Variants in MRPS28 observed in about 807,000 individuals in gnomAD.
The protein encoded by MRPS28 is small ribosomal subunit protein bS1m.
Under a neutral mutation model 10.8 loss-of-function variants are expected in MRPS28, and 7 were observed. The observed-to-expected ratio is 0.65, with a 90% CI of 0.37 to 1.22. The LOEUF is 1.22. MRPS28 is among the 50% of genes most tolerant of loss of function. The pLI is 0.02. For missense variants in MRPS28, 265 were observed against 232.9 expected (o/e 1.14, Z -0.90); for synonymous variants, 121 against 93.3 (o/e 1.30, Z -1.71).
Position 79,918,870 on chromosome 8 carries a change from G to C in MRPS28, c.*110C>G. 1 of 863,804 alleles carries C rather than the reference G, an allele frequency of 1.2e-6. No homozygotes were observed. The highest frequency in any genetic ancestry group is 3.1e-5 in the East Asian group (1 of 32,194). 53.5% of individuals were successfully genotyped at this position (863,804 alleles called of 1,614,324 possible). The stretch of plus-strand genomic sequence containing the variant: ...CTAATAAGAGTTATCTATAATTATA[G>C]CTTTTATTTATTATATCTTCATTCA... On this transcript the variant is annotated 3_prime_UTR_variant, in exon 3 of 3. Transcript: ENST00000276585.
At chr8:79,924,159 T>A (rs1037329126) in intron 2 of MRPS28, among the ~76,000 whole-genome samples, 2 of 152,236 alleles carry the variant, frequency 1.3e-5, no homozygotes, top group African/African-American at 4.8e-5. Flanking sequence ...GTAATCATAA[T>A]TCTCAGAAGT....
At chr8:79,970,564 T>C (rs962861050) in intron 2 of MRPS28, among the ~76,000 whole-genome samples, 1 of 152,208 alleles carries the variant, frequency 6.6e-6, no homozygotes, top group Non-Finnish European at 1.5e-5. Flanking sequence ...GTCAGTCTGT[T>C]AGACAAAGAC....
In MRPS28 at chr8:79,918,866, T is replaced by C. The variant is rs1484925467; in HGVS notation, c.*114A>G. The C allele has an allele frequency of 2.4e-6, 2 of 828,508 alleles. No individual in the cohort carries two copies. Among genetic ancestry groups the C allele is most frequent in the Admixed American group, 6.2e-5 (2 of 32,056 alleles). The allele number at this position is 828,508 out of a possible 1,614,324, so 51.3% of individuals were successfully genotyped here. A position where few individuals can be genotyped will look rare whatever the true frequency, so the allele number is the denominator to read the frequency against. On this transcript the variant is annotated 3_prime_UTR_variant, in exon 3 of 3. Transcript: ENST00000276585. ...AATTCTAATAAGAGTTATCTATAAT[T>C]ATAGCTTTTATTTATTATATCTTCA...
At chr8:80,020,969 A>C (rs1809342173) in intron 1 of MRPS28, among the ~76,000 whole-genome samples, 1 of 151,920 alleles carries the variant, frequency 6.6e-6, no homozygotes, top group Non-Finnish European at 1.5e-5. Flanking sequence ...ATAACAAAAG[A>C]AACTACAGTA....
At chr8:79,968,128 C>A (rs760850368) in intron 2 of MRPS28, among the ~76,000 whole-genome samples, 7 of 152,116 alleles carry the variant, frequency 4.6e-5, no homozygotes, top group African/African-American at 1.4e-4. Flanking sequence ...AACAATACCA[C>A]GGTCTTAATT....
At chr8:79,989,058 G>A (rs995077216) in intron 2 of MRPS28, among the ~76,000 whole-genome samples, 3 of 152,308 alleles carry the variant, frequency 2.0e-5, no homozygotes, top group Middle Eastern at 3.4e-3. Flanking sequence ...TAGTGGGCAG[G>A]TAACCAGATG....
intron 2 of MRPS28, among the ~76,000 whole-genome samples, chr8:79,958,844 TC>T (rs1807297469): frequency 6.6e-6 from 1 of 152,134 alleles, no homozygotes; most frequent in Admixed American, 6.6e-5. Flanking sequence ...TTGGATTTAC[TC>T]AATTCACTTA....
intron 2 of MRPS28, among the ~76,000 whole-genome samples, chr8:79,972,300 CATGGATTTTGGTGTCT>C (rs1807654676): frequency 6.6e-6 from 1 of 152,124 alleles, no homozygotes; most frequent in African/African-American, 2.4e-5. Context: ...CTTCAGCAAC[CATGGATTTTGGTGTCT>C]GTGGGGTCCT....
chr8:80,009,675 G>A (rs1186148716), intron 1 of MRPS28, among the ~76,000 whole-genome samples: 1 of 152,002 alleles, frequency 6.6e-6, no homozygotes, highest in Non-Finnish European at 1.5e-5. Context: ...TGACAGAGAT[G>A]TGATAGTCCA....
At chr8:79,947,975 A>C (rs918614908) in intron 2 of MRPS28, among the ~76,000 whole-genome samples, 1 of 140,584 alleles carries the variant, frequency 7.1e-6, no homozygotes, top group Non-Finnish European at 1.5e-5. Flanking sequence ...ATAGTGTTAA[A>C]TTTTTCTTTT....
chr8:79,963,673 C>T (rs1807428644), intron 2 of MRPS28, among the ~76,000 whole-genome samples: 1 of 152,118 alleles, frequency 6.6e-6, no homozygotes, highest in East Asian at 1.9e-4. Context: ...TGAATAGAGT[C>T]CCCCTCAGTT....
intron 2 of MRPS28, among the ~76,000 whole-genome samples, chr8:79,922,428 A>G (rs1259225522): frequency 6.6e-6 from 1 of 152,194 alleles, no homozygotes; most frequent in African/African-American, 2.4e-5. Flanking sequence ...GATGACAATA[A>G]TATGTTGTAG....
rs887136446 is a variant in MRPS28, at chr8:79,995,590, C to T, written c.395+7409G>A. Among the ~76,000 whole-genome samples, 10 of 152,184 alleles carry T rather than the reference C, an allele frequency of 6.6e-5. No individual in the cohort carries two copies. In the South Asian group the frequency reaches 1.0e-3, roughly 16 times the overall value. ...TGTTCTGATATGTGACAATCCCTAT[C>T]AAGGGCATCAGTGAACAGGGAGTCG... is the stretch of plus-strand genomic sequence containing the variant. On this transcript the variant is annotated intron_variant, in intron 2 of 2. Coordinates refer to ENST00000276585, the MANE Select transcript of MRPS28 (RefSeq NM_014018.3).
chr8:80,008,606 G>A (rs1309058334), intron 1 of MRPS28, among the ~76,000 whole-genome samples: 2 of 152,192 alleles, frequency 1.3e-5, no homozygotes, highest in African/African-American at 4.8e-5. Flanking sequence ...ATCAAAAAGT[G>A]GGTGAAGGAT....
At chr8:80,023,832 T>C (rs6988243) in intron 1 of MRPS28, among the ~76,000 whole-genome samples, 14,204 of 152,172 alleles carry the variant, frequency 0.093, 903 homozygotes, top group Middle Eastern at 0.2. Flanking sequence ...CAGCTCCCAA[T>C]TGCCTTAACA....
At chr8:79,997,468 G>A (rs1325889395) in intron 2 of MRPS28, among the ~76,000 whole-genome samples, 2 of 152,092 alleles carry the variant, frequency 1.3e-5, no homozygotes, top group Non-Finnish European at 2.9e-5. Context: ...AGTAGAACAA[G>A]AACAGAAAGA....
At chr8:80,003,712 G>A (rs930371519) in intron 1 of MRPS28, among the ~76,000 whole-genome samples, 2 of 152,186 alleles carry the variant, frequency 1.3e-5, no homozygotes, top group Admixed American at 6.5e-5. Flanking sequence ...GAAAACGCAA[G>A]GGGTCAGGGA....
At chr8:79,969,974 G>C (rs1427456297) in intron 2 of MRPS28, among the ~76,000 whole-genome samples, 1 of 152,170 alleles carries the variant, frequency 6.6e-6, no homozygotes. Flanking sequence ...TGTTTATTGA[G>C]CAACTAATAT....
chr8:80,029,805 C>T (rs1375390169), intron 1 of MRPS28: 2 of 1,525,850 alleles, frequency 1.3e-6, no homozygotes, highest in Non-Finnish European at 1.8e-6. Context: ...GCAGTGTGGA[C>T]AGACCCGGCC....
Sources: gnomAD v4.1 joint callset for allele counts (sites outside exome capture counted in the v4.1 genomes callset) on GRCh38, gnomAD v4.1.1 for gene constraint, MANE v1.5 for transcripts, NCBI Gene and HGNC (gene_info 2026-07-23, HGNC 2026-07-21) for gene names.